The following PALM2AKAP2 variants were observed in gnomAD, a reference collection of about 807,000 sequenced individuals.
PALM2AKAP2 encodes the protein PALM2-AKAP2 fusion protein.
In PALM2AKAP2, 37 loss-of-function variants were observed where a neutral mutation model predicts 71.5. The ratio of observed to expected loss-of-function variants is 0.52; its 90% CI spans 0.40 to 0.68. The LOEUF is 0.68. Among genes scored for constraint, PALM2AKAP2 ranks in the 30% least tolerant of loss-of-function variants. PALM2AKAP2 has a pLI of 0.00. For synonymous variants in PALM2AKAP2, 468 were observed against 478.8 expected, an observed-to-expected ratio of 0.98 and a Z score of 0.29; for missense variants, 1,224 against 1,191.8, an observed-to-expected ratio of 1.03 and a Z score of -0.40.
rs761116746 is a variant in PALM2AKAP2, at chr9:109,915,940, T to C, written c.258-7795T>C. Among the ~76,000 whole-genome samples, 5 of 152,008 alleles carry C rather than the reference T, an allele frequency of 3.3e-5. 1 individual carries two copies. The highest frequency in any genetic ancestry group is 7.4e-5 in the Non-Finnish European group (5 of 67,978). ...CCAACACCCAGGCAAAGGGAAAATA[T>C]ATTGGCTTGCTTTTTTTTTTTGAGA... On this transcript the variant is annotated intron_variant, in intron 3 of 9. Transcript: ENST00000302798.
At chr9:110,131,734 C>T (rs1169496866) in intron 1 of PALM2AKAP2, among the ~76,000 whole-genome samples, 1 of 152,162 alleles carries the variant, frequency 6.6e-6, no homozygotes, top group Non-Finnish European at 1.5e-5. Context: ...TTTACAAAAC[C>T]TCAGGACCTC....
chr9:109,796,989 CCTT>C (rs1383958716), intron 1 of PALM2AKAP2, among the ~76,000 whole-genome samples: 3 of 152,130 alleles, frequency 2.0e-5, no homozygotes, highest in African/African-American at 7.2e-5. Context: ...GTAAAAATAA[CCTT>C]TAGCTGGGTA....
intron 1 of PALM2AKAP2, among the ~76,000 whole-genome samples, chr9:110,077,875 G>A (rs1443592224): frequency 6.6e-6 from 1 of 152,026 alleles, no homozygotes; most frequent in South Asian, 2.1e-4. Context: ...TTAGCTGGGC[G>A]TGGTGGTGTA....
chr9:110,008,330 G>C (rs1398377779), intron 6 of PALM2AKAP2, among the ~76,000 whole-genome samples: 3 of 152,030 alleles, frequency 2.0e-5, no homozygotes, highest in African/African-American at 7.3e-5. Context: ...GGGCACAGTG[G>C]AAACAGAGAG....
At chr9:110,078,653 A>C (rs1251292424) in intron 1 of PALM2AKAP2, among the ~76,000 whole-genome samples, 1 of 152,240 alleles carries the variant, frequency 6.6e-6, no homozygotes, top group Non-Finnish European at 1.5e-5. Flanking sequence ...TTTCCAATAA[A>C]AACTCTGGAG....
At chr9:109,681,489 T>G (rs919925609) in intron 1 of PALM2AKAP2, among the ~76,000 whole-genome samples, 2 of 152,174 alleles carry the variant, frequency 1.3e-5, no homozygotes, top group Non-Finnish European at 2.9e-5. Context: ...ACAGTGGGGT[T>G]GTAGAGATGA....
intron 1 of PALM2AKAP2, among the ~76,000 whole-genome samples, chr9:109,855,448 A>T (rs10980087): frequency 1.3e-5 from 2 of 152,266 alleles, no homozygotes; most frequent in South Asian, 4.1e-4. Flanking sequence ...ATACTGATTC[A>T]GGCCCAGTAT....
rs963258452 is a variant in PALM2AKAP2 at position 109,881,976 on chromosome 9, C to T, written c.257+1295C>T. ...TTGGCTCACTGCAACCTCCGCCTCC[C>T]GGGTTCAAGCGATTCTCCTGCCTCA... is the stretch of plus-strand genomic sequence containing the variant. On this transcript the variant is annotated intron_variant, in intron 3 of 9. Transcript: ENST00000302798. Among the ~76,000 whole-genome samples, 19 of 150,296 alleles carry T rather than the reference C, an allele frequency of 1.3e-4. No homozygotes were observed. The East Asian group carries it at 2.5e-3, about 20-fold the overall frequency.
At position 110,168,553 on chromosome 9, in the gene PALM2AKAP2, A is replaced by G. The variant is rs1006290511; in HGVS notation, c.*56A>G. On this transcript the variant is annotated 3_prime_UTR_variant, in exon 4 of 4. Coordinates refer to ENST00000374525, the Ensembl canonical transcript of PALM2AKAP2. ...GCTTGGGAGACCAAGAAACCAAGAAATTAACAACTGAAAGCATTTTAATGG... is the reference window on the plus strand; with the variant it reads ...GCTTGGGAGACCAAGAAACCAAGAAGTTAACAACTGAAAGCATTTTAATGG... 7 of 1,585,926 alleles carry G rather than the reference A, an allele frequency of 4.4e-6. No individual in the cohort carries two copies. The African/African-American group carries it at 9.6e-5, about 22-fold the overall frequency.
chr9:109,846,465 AGCTGT>A (rs1339503607), intron 1 of PALM2AKAP2, among the ~76,000 whole-genome samples: 1 of 152,168 alleles, frequency 6.6e-6, no homozygotes, highest in Non-Finnish European at 1.5e-5. Flanking sequence ...GCCCTCACCA[AGCTGT>A]GTGATTTAGG....
chr9:109,657,940 G>T (rs906064633), intron 1 of PALM2AKAP2, among the ~76,000 whole-genome samples: 35 of 85,302 alleles, frequency 4.1e-4, no homozygotes, highest in African/African-American at 1.7e-3. Flanking sequence ...GTGTGTGTTT[G>T]TGTGTGTGTG....
At chr9:109,978,547 G>C (rs1588041941) in intron 6 of PALM2AKAP2, among the ~76,000 whole-genome samples, 1 of 152,266 alleles carries the variant, frequency 6.6e-6, no homozygotes, top group African/African-American at 2.4e-5. Context: ...ACTGGCTACT[G>C]TCCCCATCCT....
chr9:109,815,041 A>G (rs1474990177), intron 1 of PALM2AKAP2, among the ~76,000 whole-genome samples: 1 of 152,176 alleles, frequency 6.6e-6, no homozygotes, highest in East Asian at 1.9e-4. Flanking sequence ...AGAGGTGGCT[A>G]TCTTGATACT....
chr9:109,869,415 G>A (rs144792460), intron 2 of PALM2AKAP2, among the ~76,000 whole-genome samples: 2,518 of 151,946 alleles, frequency 0.017, 59 homozygotes, highest in African/African-American at 0.058. Flanking sequence ...TGCAAGCTCC[G>A]CCTCCCAGGT....
chr9:110,125,815 C>A (rs1226579631), intron 1 of PALM2AKAP2, among the ~76,000 whole-genome samples: 2 of 150,466 alleles, frequency 1.3e-5, no homozygotes, highest in Admixed American at 6.6e-5. Context: ...AAACTCTCAG[C>A]TTTTGTGCTA....
chr9:109,915,728 A>G lies in PALM2AKAP2; in HGVS notation c.258-8007A>G, dbSNP rs185792413. Among the ~76,000 whole-genome samples, 198 of 152,296 alleles carry G rather than the reference A, an allele frequency of 1.3e-3. 2 individuals are homozygous for G. Among genetic ancestry groups the G allele is most frequent in the African/African-American group, 4.5e-3 (188 of 41,560 alleles). ...AATAATCCTAATCCTTATGATTATT[A>G]TTGTTACATATATTACTGTATCTAG... On this transcript the variant is annotated intron_variant, in intron 3 of 9. Transcript: ENST00000302798.
At chr9:109,914,840 G>A (rs753304169) in intron 3 of PALM2AKAP2, among the ~76,000 whole-genome samples, 16 of 152,174 alleles carry the variant, frequency 1.1e-4, no homozygotes, top group East Asian at 1.9e-4. Context: ...CTGGTCTTGC[G>A]TAAGCCTTTT....
intron 5 of PALM2AKAP2, among the ~76,000 whole-genome samples, chr9:109,926,272 G>C (rs1830954717): frequency 2.0e-5 from 3 of 152,124 alleles, no homozygotes; most frequent in African/African-American, 4.8e-5. Flanking sequence ...ACAAACCTGT[G>C]ATTTTTAATT....
At chr9:110,125,425 C>T (rs1403207884) in intron 1 of PALM2AKAP2, 1 of 896,922 alleles carries the variant, frequency 1.1e-6, no homozygotes, top group East Asian at 1.2e-4. Flanking sequence ...TAAAGTCCTT[C>T]TTTGTGTGAA....
Sources: gnomAD v4.1 joint callset for allele counts (sites outside exome capture counted in the v4.1 genomes callset) on GRCh38, gnomAD v4.1.1 for gene constraint, MANE v1.5 for transcripts, NCBI Gene and HGNC (gene_info 2026-07-23, HGNC 2026-07-21) for gene names.